CDH2: variants seen among roughly 807,000 people sequenced by gnomAD.
The protein encoded by CDH2 is cadherin-2.
In CDH2, 17 loss-of-function variants were observed where a neutral mutation model predicts 92.0. That is an observed-to-expected ratio of 0.18 (90% CI 0.13 to 0.28). CDH2 has a LOEUF of 0.28. Among genes scored for constraint, CDH2 ranks in the 10% least tolerant of loss-of-function variants. The pLI is 1.00. For missense variants in CDH2, 862 were observed against 1,133.1 expected (o/e 0.76, Z 3.44); for synonymous variants, 419 against 415.9 (o/e 1.01, Z -0.09).
At position 27,991,552 on chromosome 18, in the gene CDH2, T is replaced by A. The variant is rs542235888; in HGVS notation, c.1344+1103A>T. Among the ~76,000 whole-genome samples the A allele has an allele frequency of 2.2e-4, 33 of 152,218 alleles. 1 individual carries two copies. Among genetic ancestry groups the A allele is most frequent in the South Asian group, 6.2e-4 (3 of 4,838 alleles). On this transcript the variant is annotated intron_variant, in intron 9 of 15. Coordinates refer to ENST00000269141, the MANE Select transcript of CDH2 (RefSeq NM_001792.5). Reference sequence around the variant, plus strand: ...GGTATATGCACAGTTCAAAGTCCTTTAATGTGTATGAAGCTCATTTATCTC... The same window carrying A: ...GGTATATGCACAGTTCAAAGTCCTTAAATGTGTATGAAGCTCATTTATCTC...
intron 2 of CDH2, among the ~76,000 whole-genome samples, chr18:28,071,920 C>A (rs548002405): frequency 9.2e-5 from 14 of 152,212 alleles, no homozygotes; most frequent in African/African-American, 3.4e-4. Context: ...TTTAATGATA[C>A]AATTACTCTT....
chr18:27,961,902 C>T (rs531768076), intron 15 of CDH2, among the ~76,000 whole-genome samples: 2 of 152,106 alleles, frequency 1.3e-5, no homozygotes, highest in South Asian at 4.2e-4. Flanking sequence ...GAATTCAAGA[C>T]CAGCCTGGGA....
At chr18:28,010,551 G>A (rs1240344950) in intron 4 of CDH2, among the ~76,000 whole-genome samples, 2 of 152,132 alleles carry the variant, frequency 1.3e-5, no homozygotes, top group Non-Finnish European at 2.9e-5. Context: ...GTCAATGTAT[G>A]AGCAGTCACA....
chr18:27,961,873 G>T (rs2011413988), intron 15 of CDH2, among the ~76,000 whole-genome samples: 1 of 152,056 alleles, frequency 6.6e-6, no homozygotes, highest in Non-Finnish European at 1.5e-5. Flanking sequence ...TCTGAGGCAG[G>T]AGGATCATTT....
chr18:27,983,875 A>C (rs768103031), intron 13 of CDH2, among the ~76,000 whole-genome samples: 1 of 152,232 alleles, frequency 6.6e-6, no homozygotes, highest in Non-Finnish European at 1.5e-5. Flanking sequence ...ACATATCCCT[A>C]GGTGCACATC....
chr18:27,977,032 T>C (rs775014071), intron 14 of CDH2, among the ~76,000 whole-genome samples: 4 of 152,126 alleles, frequency 2.6e-5, no homozygotes, highest in African/African-American at 9.7e-5. Flanking sequence ...ACCAACCCCA[T>C]TGGCCAAAAG....
At chr18:27,953,172 T>C (rs186629682) in intron 15 of CDH2, among the ~76,000 whole-genome samples, 5 of 152,282 alleles carry the variant, frequency 3.3e-5, no homozygotes, top group East Asian at 3.9e-4. Context: ...GGTATAAATA[T>C]TGAAAAGAGG....
chr18:27,979,317 A>G (rs1279178570), intron 14 of CDH2, among the ~76,000 whole-genome samples: 1 of 152,182 alleles, frequency 6.6e-6, no homozygotes, highest in Non-Finnish European at 1.5e-5. Context: ...TAAAAGACTG[A>G]AAAAAATCCA....
At chr18:27,984,453 C>T (rs2012159300) in intron 13 of CDH2, among the ~76,000 whole-genome samples, 1 of 152,146 alleles carries the variant, frequency 6.6e-6, no homozygotes, top group Non-Finnish European at 1.5e-5. Context: ...TAAAGACAGA[C>T]AATCTACTGA....
rs17536919 is a variant in CDH2, at chr18:28,169,764, A to T, written c.60+7199T>A. On this transcript the variant is annotated intron_variant, in intron 1 of 15. Coordinates refer to ENST00000269141, the MANE Select transcript of CDH2 (RefSeq NM_001792.5). ...ATTCCCATACCATATGTATAATAGC[A>T]ACTCTTTTTAAATAGCTCAAGCTGC... is the stretch of plus-strand genomic sequence containing the variant. Among the ~76,000 whole-genome samples the T allele has an allele frequency of 4.2e-3, 637 of 152,322 alleles. 4 individuals are homozygous for T. The highest frequency in any genetic ancestry group is 0.015 in the African/African-American group (605 of 41,584).
chr18:28,067,823 T>C (rs1023498719), intron 2 of CDH2, among the ~76,000 whole-genome samples: 5 of 152,186 alleles, frequency 3.3e-5, no homozygotes, highest in Admixed American at 2.6e-4. Context: ...GGTCAAGTTT[T>C]AATATTCTTA....
chr18:28,099,642 G>C (rs1019698541), intron 2 of CDH2, among the ~76,000 whole-genome samples: 8 of 152,070 alleles, frequency 5.3e-5, no homozygotes, highest in African/African-American at 1.9e-4. Flanking sequence ...TTAGGGAGAA[G>C]AGCAGGTAAC....
chr18:27,968,324 A>T (rs966499432), intron 14 of CDH2, among the ~76,000 whole-genome samples: 1 of 152,218 alleles, frequency 6.6e-6, no homozygotes, highest in Non-Finnish European at 1.5e-5. Flanking sequence ...AGCAAAATAA[A>T]TAATCAAAAA....
At chr18:28,020,727 T>C (rs138540762) in intron 2 of CDH2, among the ~76,000 whole-genome samples, 1 of 152,180 alleles carries the variant, frequency 6.6e-6, no homozygotes, top group East Asian at 1.9e-4. Flanking sequence ...GATGCTATGA[T>C]GGTAGATACA....
At chr18:28,066,732 C>G (rs887274704) in intron 2 of CDH2, among the ~76,000 whole-genome samples, 1 of 148,934 alleles carries the variant, frequency 6.7e-6, no homozygotes, top group Middle Eastern at 3.4e-3. Context: ...AAAAGTTAAT[C>G]TGTAAATTAC....
intron 5 of CDH2, among the ~76,000 whole-genome samples, chr18:28,006,764 T>C (rs1336382296): frequency 2.0e-5 from 3 of 148,926 alleles, no homozygotes; most frequent in African/African-American, 4.9e-5. Flanking sequence ...AAAGTAGTGA[T>C]AGAGATCAAG....
At chr18:27,960,336 C>T (rs2011368548) in intron 15 of CDH2, among the ~76,000 whole-genome samples, 1 of 152,084 alleles carries the variant, frequency 6.6e-6, no homozygotes, top group Non-Finnish European at 1.5e-5. Context: ...ATGAATTTCA[C>T]CCAACGCTAG....
intron 2 of CDH2, among the ~76,000 whole-genome samples, chr18:28,118,210 G>A (rs951973160): frequency 5.9e-5 from 9 of 151,624 alleles, no homozygotes; most frequent in Admixed American, 4.0e-4. Context: ...CTGTGTTAAA[G>A]AACCGAGAGC....
intron 2 of CDH2, among the ~76,000 whole-genome samples, chr18:28,112,435 A>C (rs2015428013): frequency 6.6e-6 from 1 of 152,214 alleles, no homozygotes; most frequent in Non-Finnish European, 1.5e-5. Context: ...GCCAGTAAAG[A>C]GGCCGACTCA....
Sources: allele counts gnomAD v4.1 joint callset (sites outside exome capture counted in the v4.1 genomes callset), GRCh38; gene constraint gnomAD v4.1.1; transcripts MANE v1.5; gene names NCBI Gene and HGNC (gene_info 2026-07-23, HGNC 2026-07-21).